Variants in CCDC178 observed in about 807,000 individuals in gnomAD.
CCDC178 encodes coiled-coil domain containing 178.
Under a neutral mutation model 117.4 loss-of-function variants are expected in CCDC178, and 126 were observed. The ratio of observed to expected loss-of-function variants is 1.07; its 90% CI spans 0.93 to 1.24. The LOEUF (loss-of-function observed/expected upper bound fraction) is 1.24, where lower values mean the gene tolerates loss of function less well. CCDC178 is among the 50% of genes most tolerant of loss of function. The pLI is 0.00. For missense variants in CCDC178, 1,030 were observed against 986.9 expected, an observed-to-expected ratio of 1.04 and a Z score of -0.59; for synonymous variants, 283 against 313.4, an observed-to-expected ratio of 0.90 and a Z score of 1.02.
chr18:33,250,339 T>G (rs1388351089), intron 14 of CCDC178, among the ~76,000 whole-genome samples: 1 of 151,758 alleles, frequency 6.6e-6, no homozygotes, highest in African/African-American at 2.4e-5. Context: ...CAGATTAATT[T>G]AAAATGTCTA....
chr18:33,125,537 T>C (rs1178610646), intron 20 of CCDC178, among the ~76,000 whole-genome samples: 1 of 152,228 alleles, frequency 6.6e-6, no homozygotes, highest in African/African-American at 2.4e-5. Context: ...ATGTCTTTTT[T>C]ATGTTCTTAA....
chr18:33,145,619 C>T (rs1338970590), intron 20 of CCDC178, among the ~76,000 whole-genome samples: 1 of 152,142 alleles, frequency 6.6e-6, no homozygotes, highest in Non-Finnish European at 1.5e-5. Context: ...CTCAGCCCCA[C>T]TGCAATTAGG....
intron 4 of CCDC178, among the ~76,000 whole-genome samples, chr18:33,396,801 A>G (rs1377108304): frequency 6.6e-6 from 1 of 152,154 alleles, no homozygotes; most frequent in African/African-American, 2.4e-5. Flanking sequence ...GAGTACAGGG[A>G]GACCTTCTGA....
chr18:33,249,762 G>A (rs1215134761), intron 14 of CCDC178, among the ~76,000 whole-genome samples: 1 of 151,914 alleles, frequency 6.6e-6, no homozygotes, highest in Non-Finnish European at 1.5e-5. Context: ...CTCTTTTTTG[G>A]TTCCATATGA....
chr18:33,389,192 A>G (rs1476405514), intron 5 of CCDC178, among the ~76,000 whole-genome samples: 1 of 152,126 alleles, frequency 6.6e-6, no homozygotes, highest in Non-Finnish European at 1.5e-5. Context: ...ATACACCCCC[A>G]AAAACATTTG....
chr18:32,962,907 G>C (rs376402182), intron 22 of CCDC178, among the ~76,000 whole-genome samples: 1 of 151,934 alleles, frequency 6.6e-6, no homozygotes, highest in African/African-American at 2.4e-5. Context: ...TTTAGCACTC[G>C]GTTTGGTAAC....
chr18:33,385,779 A>C (rs2144809101), intron 5 of CCDC178, among the ~76,000 whole-genome samples: 1 of 152,296 alleles, frequency 6.6e-6, no homozygotes, highest in South Asian at 2.1e-4. Context: ...CAACACCCTA[A>C]CATCACAACT....
intron 20 of CCDC178, among the ~76,000 whole-genome samples, chr18:33,104,042 G>A (rs1029139069): frequency 5.9e-5 from 9 of 151,680 alleles, no homozygotes; most frequent in African/African-American, 1.9e-4. Context: ...AAGTGCCAAT[G>A]GGCAATTTGA....
chr18:33,307,642 A>G (rs2062274568), intron 11 of CCDC178, among the ~76,000 whole-genome samples: 1 of 152,188 alleles, frequency 6.6e-6, no homozygotes, highest in Admixed American at 6.5e-5. Flanking sequence ...AGAGACCTTC[A>G]CAGCAGCCCA....
At chr18:33,390,403 T>G (rs1387782028) in intron 4 of CCDC178, among the ~76,000 whole-genome samples, 1 of 152,074 alleles carries the variant, frequency 6.6e-6, no homozygotes, top group Non-Finnish European at 1.5e-5. Flanking sequence ...ATAACTTTAT[T>G]CATAACAGTG....
intron 20 of CCDC178, among the ~76,000 whole-genome samples, chr18:33,174,875 A>T (rs1166248593): frequency 6.6e-6 from 1 of 151,862 alleles, no homozygotes; most frequent in South Asian, 2.1e-4. Flanking sequence ...TTATTTTGAG[A>T]TGGAGTCTTA....
chr18:33,416,296 G>A (rs1270986422), intron 2 of CCDC178, among the ~76,000 whole-genome samples: 2 of 152,016 alleles, frequency 1.3e-5, no homozygotes, highest in Non-Finnish European at 2.9e-5. Flanking sequence ...GCGTGGTGGC[G>A]GGCGCCTATA....
intron 20 of CCDC178, among the ~76,000 whole-genome samples, chr18:33,132,424 T>C (rs2058076953): frequency 6.6e-6 from 1 of 151,760 alleles, no homozygotes; most frequent in African/African-American, 2.4e-5. Context: ...ATCTATATAT[T>C]ACGTTGTTTT....
intron 6 of CCDC178, among the ~76,000 whole-genome samples, chr18:33,359,951 A>C (rs529600351): frequency 6.6e-6 from 1 of 151,468 alleles, no homozygotes; most frequent in South Asian, 2.1e-4. Flanking sequence ...GGAAATTATT[A>C]CCAAATATTT....
intron 21 of CCDC178, among the ~76,000 whole-genome samples, chr18:32,995,342 C>G (rs1371597403): frequency 6.6e-6 from 1 of 151,998 alleles, no homozygotes; most frequent in African/African-American, 2.4e-5. Flanking sequence ...GATGTGATTC[C>G]TCAAAGAGCA....
At chr18:33,112,801 C>T (rs540100809) in intron 20 of CCDC178, among the ~76,000 whole-genome samples, 1 of 151,968 alleles carries the variant, frequency 6.6e-6, no homozygotes, top group East Asian at 2.0e-4. Context: ...TACCCTACCA[C>T]ACGTATTTAT....
intron 9 of CCDC178, among the ~76,000 whole-genome samples, chr18:33,345,458 A>C (rs1048178376): frequency 6.6e-6 from 1 of 152,094 alleles, no homozygotes; most frequent in African/African-American, 2.4e-5. Flanking sequence ...TCTTAGAAAC[A>C]TTTTAGGTTT....
At position 33,034,564 on chromosome 18, in the gene CCDC178, G is replaced by A. The variant is rs180743883; in HGVS notation, c.2388+58197C>T. 1.6e-3 allele frequency among the ~76,000 whole-genome samples: 245 copies of A among 152,058 alleles called. 1 individual carries two copies. The highest frequency in any genetic ancestry group is 0.016 in the Admixed American group (245 of 15,242). ...GATATTTTTCTAACTTTATGTATGTGTGTAATGCTGGCTAGTCATTCAAGG... is the reference window on the plus strand; with the variant it reads ...GATATTTTTCTAACTTTATGTATGTATGTAATGCTGGCTAGTCATTCAAGG... On this transcript the variant is annotated intron_variant, in intron 21 of 22. Transcript: ENST00000383096.
intron 14 of CCDC178, among the ~76,000 whole-genome samples, chr18:33,261,272 A>G (rs1253113774): frequency 6.6e-6 from 1 of 151,984 alleles, no homozygotes; most frequent in Non-Finnish European, 1.5e-5. Flanking sequence ...TTTAGTAGAG[A>G]CGGGGTTTCA....
Sources: allele counts gnomAD v4.1 joint callset (sites outside exome capture counted in the v4.1 genomes callset), GRCh38; gene constraint gnomAD v4.1.1; transcripts MANE v1.5; gene names NCBI Gene and HGNC (gene_info 2026-07-23, HGNC 2026-07-21).